AP3B1: variants seen among roughly 807,000 people sequenced by gnomAD.
The protein encoded by AP3B1 is AP-3 complex subunit beta-1.
Under a neutral mutation model 132.5 loss-of-function variants are expected in AP3B1, and 61 were observed. The ratio of observed to expected loss-of-function variants is 0.46; its 90% confidence interval spans 0.37 to 0.57. The LOEUF is 0.57. AP3B1 is among the 20% of genes least tolerant of loss of function. AP3B1 has a pLI of 0.00. For missense variants in AP3B1, 1,120 were observed against 1,289.4 expected, an observed-to-expected ratio of 0.87 and a Z score of 2.01; for synonymous variants, 388 against 438.3, an observed-to-expected ratio of 0.89 and a Z score of 1.43.
intron 2 of AP3B1, among the ~76,000 whole-genome samples, chr5:78,247,464 T>A (rs1207153191): frequency 6.6e-6 from 1 of 151,490 alleles, no homozygotes; most frequent in Non-Finnish European, 1.5e-5. Flanking sequence ...CACTGACGTC[T>A]CTATAATTGT....
chr5:78,109,943 T>A (rs1379741015), intron 20 of AP3B1, among the ~76,000 whole-genome samples: 1 of 151,934 alleles, frequency 6.6e-6, no homozygotes, highest in Non-Finnish European at 1.5e-5. Context: ...TTTTTGTGAC[T>A]TCCTTTCACT....
chr5:78,085,525 T>G (rs964518396), intron 22 of AP3B1, among the ~76,000 whole-genome samples: 1 of 152,236 alleles, frequency 6.6e-6, no homozygotes, highest in African/African-American at 2.4e-5. Flanking sequence ...CCCCAGAAGC[T>G]ACTCTTGTAT....
intron 1 of AP3B1, among the ~76,000 whole-genome samples, chr5:78,275,649 G>C (rs760491088): frequency 6.6e-6 from 1 of 151,904 alleles, no homozygotes; most frequent in Non-Finnish European, 1.5e-5. Flanking sequence ...CTAATTTTTT[G>C]TATTTTAGTA....
intron 7 of AP3B1, among the ~76,000 whole-genome samples, chr5:78,182,188 G>A (rs993233986): frequency 1.3e-5 from 2 of 152,198 alleles, no homozygotes; most frequent in Non-Finnish European, 2.9e-5. Context: ...AATATCCAGA[G>A]GAGCTGATTC....
chr5:78,080,463 T>C (rs1333371381), intron 22 of AP3B1, among the ~76,000 whole-genome samples: 1 of 149,854 alleles, frequency 6.7e-6, no homozygotes, highest in Non-Finnish European at 1.5e-5. Flanking sequence ...CTTTTTTTTT[T>C]TTCTTTTTCT....
At chr5:78,231,486 A>C (rs897898597) in intron 3 of AP3B1, among the ~76,000 whole-genome samples, 8 of 152,112 alleles carry the variant, frequency 5.3e-5, no homozygotes, top group Admixed American at 3.9e-4. Context: ...AAATTTTTTA[A>C]AGGTGTAAAA....
At chr5:78,018,322 TTA>T (rs1012456243) in intron 25 of AP3B1, among the ~76,000 whole-genome samples, 2 of 151,452 alleles carry the variant, frequency 1.3e-5, no homozygotes, top group Non-Finnish European at 1.5e-5. Context: ...ACCAATCTTA[TTA>T]TATATATATA....
intron 6 of AP3B1, among the ~76,000 whole-genome samples, chr5:78,216,563 C>T (rs1745970776): frequency 6.6e-6 from 1 of 151,984 alleles, no homozygotes; most frequent in African/African-American, 2.4e-5. Context: ...TAAAGCTAAC[C>T]TAAATTCTAA....
intron 14 of AP3B1, among the ~76,000 whole-genome samples, chr5:78,155,995 T>C (rs1466055653): frequency 1.3e-5 from 2 of 152,190 alleles, no homozygotes; most frequent in Non-Finnish European, 2.9e-5. Flanking sequence ...CATGCATATA[T>C]ACTCACCCAA....
At chr5:78,046,460 C>A (rs1396861403) in intron 22 of AP3B1, among the ~76,000 whole-genome samples, 1 of 152,160 alleles carries the variant, frequency 6.6e-6, no homozygotes, top group Non-Finnish European at 1.5e-5. Context: ...AAACGGGTCC[C>A]TGGTGCCAAA....
At position 78,231,345 on chromosome 5, in the gene AP3B1, T is replaced by G. The variant is rs1580519634; in HGVS notation, c.280-3106A>C. 2.0e-5 allele frequency among the ~76,000 whole-genome samples: 3 copies of G among 152,062 alleles called. No homozygotes were observed. The South Asian group carries it at 6.2e-4, about 32-fold the overall frequency. On this transcript the variant is annotated intron_variant, in intron 3 of 26. Transcript: ENST00000255194. ...CGCACCACCACGCCCAGCTAACTTT[T>G]GTATTCTTAGTAGAGATGGGGTTTC...
chr5:78,152,759 T>C (rs1405710469), intron 14 of AP3B1, among the ~76,000 whole-genome samples: 1 of 152,218 alleles, frequency 6.6e-6, no homozygotes, highest in Non-Finnish European at 1.5e-5. Flanking sequence ...ATCACATGTT[T>C]CAAGAAATTT....
chr5:78,125,105 G>A (rs1276668649), intron 17 of AP3B1, among the ~76,000 whole-genome samples: 2 of 152,146 alleles, frequency 1.3e-5, no homozygotes, highest in African/African-American at 4.8e-5. Flanking sequence ...TTCTGTAAAG[G>A]ATAAAATATT....
intron 26 of AP3B1, among the ~76,000 whole-genome samples, chr5:78,013,658 T>G (rs1196980237): frequency 6.6e-6 from 1 of 152,158 alleles, no homozygotes; most frequent in Non-Finnish European, 1.5e-5. Context: ...CCTAGGAAAG[T>G]GAAAAGAAGT....
intron 14 of AP3B1, among the ~76,000 whole-genome samples, chr5:78,144,844 G>GTTGTTGTTGTTT (rs5868906): frequency 0.13 from 19,314 of 151,960 alleles, 1,603 homozygotes; most frequent in Admixed American, 0.23. Flanking sequence ...TGTTGTTGTT[G>GTTGTTGTTGTTT]TTTTTTAAAG....
chr5:78,050,831 T>C lies in AP3B1; in HGVS notation c.2578-11557A>G, dbSNP rs377490166. On this transcript the variant is annotated intron_variant, in intron 22 of 26. Transcript: ENST00000255194. Reference sequence around the variant, plus strand: ...ACTTAGATGCATTATAAGCAAATGATATAGGTCATCTTTACTATGGCTCGT... The same window carrying C: ...ACTTAGATGCATTATAAGCAAATGACATAGGTCATCTTTACTATGGCTCGT... 9.2e-5 allele frequency among the ~76,000 whole-genome samples: 14 copies of C among 152,278 alleles called. No individual in the cohort carries two copies. The East Asian group carries it at 2.1e-3, about 23-fold the overall frequency.
intron 2 of AP3B1, among the ~76,000 whole-genome samples, chr5:78,248,568 C>T (rs972025036): frequency 6.6e-6 from 1 of 151,612 alleles, no homozygotes; most frequent in East Asian, 1.9e-4. Flanking sequence ...TTATTTCCAC[C>T]TCCCCACTAG....
chr5:78,257,125 C>G (rs78655798), intron 2 of AP3B1, among the ~76,000 whole-genome samples: 2,878 of 152,252 alleles, frequency 0.019, 107 homozygotes, highest in African/African-American at 0.065. Flanking sequence ...CAAGGTTGCC[C>G]ACTGTCATCT....
intron 1 of AP3B1, among the ~76,000 whole-genome samples, chr5:78,293,863 A>G (rs1177461423): frequency 6.6e-6 from 1 of 152,136 alleles, no homozygotes. Context: ...ACTCTTTTAA[A>G]ATATTTTCTA....
Sources: allele counts gnomAD v4.1 joint callset (sites outside exome capture counted in the v4.1 genomes callset), GRCh38; gene constraint gnomAD v4.1.1; transcripts MANE v1.5; gene names NCBI Gene and HGNC (gene_info 2026-07-23, HGNC 2026-07-21).